TOGARAM2: variants seen among roughly 807,000 people sequenced by gnomAD.
TOGARAM2 encodes TOG array regulator of axonemal microtubules 2, also known as TOG array regulator of axonemal microtubules protein 2.
TOGARAM2 carries 85 observed loss-of-function variants against 93.3 expected under a neutral mutation model. The observed-to-expected ratio is 0.91, with a 90% CI of 0.76 to 1.09. The LOEUF (loss-of-function observed/expected upper bound fraction) is 1.09. Ranked by LOEUF, TOGARAM2 falls within the 50% of genes least tolerant of loss-of-function variation. TOGARAM2 has a pLI of 0.00. For missense variants in TOGARAM2, 1,277 were observed against 1,334.5 expected, an observed-to-expected ratio of 0.96 and a Z score of 0.67; for synonymous variants, 593 against 552.8, an observed-to-expected ratio of 1.07 and a Z score of -1.02.
chr2:29,036,591 C>T lies in TOGARAM2; in HGVS notation c.2469C>T (p.Asn823=), dbSNP rs1429096848. 9.3e-6 allele frequency: 15 copies of T among 1,613,874 alleles called. No individual in the cohort carries two copies. In the East Asian group the frequency reaches 2.4e-4, roughly 26 times the overall value. ...PRLQDSNKKV[N]QWALESFAKM... is the part of the protein sequence containing the mutation. ...TTCAGGATTCCAACAAGAAAGTGAA[C>T]CAGTGGGCGCTGGAGTCCTTCGCCA... The change falls in exon 18 of 20, where the codon AAC becomes AAT. Residue 823 remains asparagine, a synonymous_variant. Coordinates refer to ENST00000379558, the MANE Select transcript of TOGARAM2 (RefSeq NM_199280.4).
intron 4 of TOGARAM2, 92 bp from the exon 5 acceptor site, chr2:29,002,444 A>G (rs1673353882): frequency 1.7e-6 from 2 of 1,145,902 alleles, no homozygotes; most frequent in Non-Finnish European, 2.5e-6. Context: ...AGTCCTTCCC[A>G]GGGCAGAAGG....
Position 29,033,536 on chromosome 2 carries a change from G to A in TOGARAM2, c.2198G>A (p.Cys733Tyr). ...AAGGTGTTGAGGAGTCTGGTGGTGTGTGAGAACGGGCTGCCCATCAAGGAG... is the reference window on the plus strand; with the variant it reads ...AAGGTGTTGAGGAGTCTGGTGGTGTATGAGAACGGGCTGCCCATCAAGGAG... ...GRKVLRSLVV[C>Y]ENGLPIKEGL... The change falls in exon 16 of 20, where the codon TGT (cysteine) becomes TAT (tyrosine). Residue 733 changes from cysteine (C) to tyrosine (Y), a missense_variant. Transcript: ENST00000379558. 1.9e-6 allele frequency: 3 copies of A among 1,613,732 alleles called. No individual in the cohort carries two copies. The highest frequency in any genetic ancestry group is 2.5e-6 in the Non-Finnish European group (3 of 1,179,806).
chr2:28,978,777 C>T (rs1209626417), upstream of TOGARAM2, among the ~76,000 whole-genome samples: 1 of 152,014 alleles, frequency 6.6e-6, no homozygotes, highest in African/African-American at 2.4e-5. Context: ...GGGAGCAGGC[C>T]AGTGTGAGCA....
At chr2:28,962,575 G>T (rs943733873) in intron 1 of TOGARAM2, among the ~76,000 whole-genome samples, 1 of 152,094 alleles carries the variant, frequency 6.6e-6, no homozygotes, top group Non-Finnish European at 1.5e-5. Context: ...ATTGCCAAGT[G>T]GTATGTGTTG....
chr2:29,036,955 TGGAC>T (rs536175859), intron 18 of TOGARAM2, among the ~76,000 whole-genome samples, 198 bp downstream of exon 18: 13 of 152,186 alleles, frequency 8.5e-5, no homozygotes, highest in Non-Finnish European at 1.6e-4. Flanking sequence ...CCCACACCTC[TGGAC>T]GGCTGGAAGT....
chr2:28,987,794 G>A (rs1439603041), intron 1 of TOGARAM2, among the ~76,000 whole-genome samples: 3 of 152,246 alleles, frequency 2.0e-5, no homozygotes, highest in Non-Finnish European at 4.4e-5. Flanking sequence ...CTGCAGCAGT[G>A]GTGGTAGACC....
intron 1 of TOGARAM2, among the ~76,000 whole-genome samples, chr2:28,993,506 G>A (rs1466688562): frequency 6.6e-6 from 1 of 152,220 alleles, no homozygotes; most frequent in East Asian, 1.9e-4. Context: ...GCCTTGTCTA[G>A]GAGAGGTGCT....
At chr2:28,961,066 A>G (rs1280044110) in intron 1 of TOGARAM2, among the ~76,000 whole-genome samples, 2 of 152,084 alleles carry the variant, frequency 1.3e-5, no homozygotes, top group Non-Finnish European at 2.9e-5. Flanking sequence ...GTGGCTTGGC[A>G]GAGTTGGTGC....
intron 14 of TOGARAM2, among the ~76,000 whole-genome samples, chr2:29,032,542 T>C (rs1202493292): frequency 6.6e-6 from 1 of 152,226 alleles, no homozygotes; most frequent in African/African-American, 2.4e-5. Flanking sequence ...TGAGTACACT[T>C]TGGTATAGCC....
chr2:28,997,087 G>A (rs945721266), intron 2 of TOGARAM2, among the ~76,000 whole-genome samples: 2 of 152,092 alleles, frequency 1.3e-5, no homozygotes, highest in African/African-American at 4.8e-5. Flanking sequence ...AAAAGCACAG[G>A]CAACAAAAGC....
chr2:28,998,254 G>A lies in TOGARAM2; in HGVS notation c.139+1G>A. The stretch of plus-strand genomic sequence containing the variant: ...AACTCCAGTCTGCCTCATGGAGAAG[G>A]TGAGATGGGAAGACCTCACCTGGTC... On this transcript the variant is annotated splice_donor_variant, in intron 3 of 19. Coordinates refer to ENST00000379558, the MANE Select transcript of TOGARAM2 (RefSeq NM_199280.4). LOFTEE classifies it high-confidence loss of function. 1 of 1,607,912 alleles carries A rather than the reference G, an allele frequency of 6.2e-7. No homozygotes were observed. The highest frequency in any genetic ancestry group is 8.5e-7 in the Non-Finnish European group (1 of 1,177,004).
At position 28,973,932 on chromosome 2, in the gene TOGARAM2, A is replaced by G. The variant is rs1337926310; in HGVS notation, c.-147+17235A>G. On this transcript the variant is annotated intron_variant, in intron 1 of 6. Transcript: ENST00000401723. Reference sequence around the variant, plus strand: ...TCGTCTTTATTTTTGAAAAATGTAGAATCCTGGGTTAATAGATTTGTTTTT... The same window carrying G: ...TCGTCTTTATTTTTGAAAAATGTAGGATCCTGGGTTAATAGATTTGTTTTT... 1.2e-4 allele frequency among the ~76,000 whole-genome samples: 19 copies of G among 152,150 alleles called. No homozygotes were observed. The South Asian group carries it at 3.5e-3, about 28-fold the overall frequency.
chr2:29,021,457 G>A (rs140581490), intron 10 of TOGARAM2, among the ~76,000 whole-genome samples: 2 of 152,342 alleles, frequency 1.3e-5, no homozygotes, highest in African/African-American at 2.4e-5. Context: ...CCTCAACTGT[G>A]TGATCAGGGC....
Position 29,033,546 on chromosome 2 carries a change from G to T in TOGARAM2, c.2208G>T (p.Gly736=), listed in dbSNP as rs1287983345. Residue 736 remains glycine (G), a synonymous_variant, in exon 16 of 20, where the codon GGG becomes GGT. Coordinates refer to ENST00000379558, the MANE Select transcript of TOGARAM2 (RefSeq NM_199280.4). ...GGAGTCTGGTGGTGTGTGAGAACGG[G>T]CTGCCCATCAAGGAGGGGTATGGCT... ...VLRSLVVCEN[G]LPIKEGLSCN... 6.2e-7 allele frequency: 1 copy of T among 1,613,494 alleles called. No homozygotes were observed. Among genetic ancestry groups the T allele is most frequent in the Non-Finnish European group, 8.5e-7 (1 of 1,179,726 alleles).
At chr2:29,004,360 TACTAAAAATACA>T (rs1673496273) in intron 6 of TOGARAM2, among the ~76,000 whole-genome samples, 1 of 152,240 alleles carries the variant, frequency 6.6e-6, no homozygotes, top group South Asian at 2.1e-4. Context: ...AATTGATGGA[TACTAAAAATACA>T]ACCAGTATCA....
At chr2:29,011,860 C>T (rs1258368678) in intron 7 of TOGARAM2, among the ~76,000 whole-genome samples, 1 of 152,188 alleles carries the variant, frequency 6.6e-6, no homozygotes, top group East Asian at 1.9e-4. Context: ...GGTCGCTGAG[C>T]CCCATCAGGC....
chr2:29,004,847 A>C (rs941050690), intron 6 of TOGARAM2, among the ~76,000 whole-genome samples: 4 of 147,986 alleles, frequency 2.7e-5, no homozygotes, highest in Admixed American at 2.7e-4. Context: ...GTATGAGTGC[A>C]TCTGTGTGGA....
rs555349514 is a variant in TOGARAM2 at position 29,017,894 on chromosome 2, G to A, written c.1298G>A (p.Arg433Gln). 212 of 1,610,082 alleles carry A rather than the reference G, an allele frequency of 1.3e-4. 3 individuals carry two copies. In the South Asian group the frequency reaches 1.8e-3, roughly 13 times the overall value. ...ATCATCCTGAGGAAGTGGGCCAGCCGGGCCTCCCTGCCCAGCATCCCCATC... is the reference window on the plus strand; with the variant it reads ...ATCATCCTGAGGAAGTGGGCCAGCCAGGCCTCCCTGCCCAGCATCCCCATC... Reference protein sequence around the residue: ...VSIILRKWASRASLPSIPISR... With the variant: ...VSIILRKWASQASLPSIPISR... Residue 433 changes from arginine (R) to glutamine (Q), a missense_variant, in exon 10 of 20, where the codon CGG (arginine) becomes CAG (glutamine). Arg to Gln is a conservative substitution (Grantham distance 43). Coordinates refer to ENST00000379558, the MANE Select transcript of TOGARAM2 (RefSeq NM_199280.4).
At chr2:29,036,423 A>C (rs1666112515) in intron 17 of TOGARAM2, 118 bp from the exon 18 acceptor site, 2 of 829,832 alleles carry the variant, frequency 2.4e-6, no homozygotes, top group East Asian at 5.1e-5. Flanking sequence ...TCAGGGACGC[A>C]GGAGGAGTCT....
Sources: gnomAD v4.1 joint callset for allele counts (sites outside exome capture counted in the v4.1 genomes callset) on GRCh38, gnomAD v4.1.1 for gene constraint, MANE v1.5 for transcripts, NCBI Gene and HGNC (gene_info 2026-07-23, HGNC 2026-07-21) for gene names.